Variants in ZMYM2 observed in about 807,000 individuals in gnomAD.
ZMYM2 encodes zinc finger MYM-type protein 2.
Under a neutral mutation model 162.8 loss-of-function variants are expected in ZMYM2, and 56 were observed. The observed-to-expected ratio is 0.34, with a 90% CI of 0.28 to 0.43. The LOEUF (loss-of-function observed/expected upper bound fraction) is 0.43. Ranked by LOEUF, ZMYM2 falls within the 20% of genes least tolerant of loss-of-function variation. ZMYM2 has a pLI of 1.00. For synonymous variants in ZMYM2, 510 were observed against 541.6 expected, an observed-to-expected ratio of 0.94 and a Z score of 0.81; for missense variants, 1,275 against 1,621.8, an observed-to-expected ratio of 0.79 and a Z score of 3.67.
the ZMYM2 span, among the ~76,000 whole-genome samples, chr13:19,874,178 A>G: frequency 6.6e-6 from 1 of 152,116 alleles, no homozygotes; most frequent in Admixed American, 6.6e-5. Context: ...ATACTTATGA[A>G]TCACCTATGA....
chr13:20,064,419 A>G (rs1256447385), intron 18 of ZMYM2, 32 bp from the exon 19 acceptor site: 2 of 1,547,026 alleles, frequency 1.3e-6, no homozygotes, highest in Non-Finnish European at 1.8e-6. Context: ...GTGCTATTTC[A>G]TTTAAAATAA....
chr13:20,061,370 A>ACGGCGACCAC (rs1341572848), intron 17 of ZMYM2, 146 bp downstream of exon 17: 4 of 651,284 alleles, frequency 6.1e-6, no homozygotes, highest in South Asian at 6.1e-5. Context: ...TTTTTATATT[A>ACGGCGACCAC]AGAGATCTAC....
At chr13:20,068,163 A>G (rs1956820248) in intron 21 of ZMYM2, 1 of 180,940 alleles carries the variant, frequency 5.5e-6, no homozygotes, top group Non-Finnish European at 1.2e-5. Context: ...TTCAAGGACC[A>G]TCATATATCT....
chr13:19,984,126 C>T (rs1233838376), intron 2 of ZMYM2, among the ~76,000 whole-genome samples: 1 of 152,184 alleles, frequency 6.6e-6, no homozygotes, highest in Non-Finnish European at 1.5e-5. Flanking sequence ...TTTGTTGAAG[C>T]ACTTTGAAGT....
intron 16 of ZMYM2, among the ~76,000 whole-genome samples, chr13:20,060,839 A>C (rs944842873): frequency 1.3e-5 from 2 of 152,334 alleles, no homozygotes; most frequent in Admixed American, 6.5e-5. Context: ...AAATACTTCA[A>C]AAATTCTTTT....
At chr13:20,065,686 C>T (rs1432106487) in intron 19 of ZMYM2, among the ~76,000 whole-genome samples, 2 of 152,050 alleles carry the variant, frequency 1.3e-5, no homozygotes, top group Non-Finnish European at 2.9e-5. Context: ...TGCCTGCAGT[C>T]CCAGCTACCC....
the ZMYM2 span, among the ~76,000 whole-genome samples, chr13:19,873,096 A>G: frequency 6.6e-6 from 1 of 152,184 alleles, no homozygotes; most frequent in Non-Finnish European, 1.5e-5. Flanking sequence ...AATCCTCAGC[A>G]TGTGTTAAAG....
rs1236127875 is a variant in ZMYM2 at position 19,993,339 on chromosome 13, TGAA to T, written c.271_273del (p.Glu91del). 1 of 1,613,708 alleles carries T rather than the reference TGAA, an allele frequency of 6.2e-7. No individual in the cohort carries two copies. The highest frequency in any genetic ancestry group is 8.5e-7 in the Non-Finnish European group (1 of 1,179,808). On this transcript the variant is annotated inframe_deletion, in exon 3 of 25. Coordinates refer to ENST00000610343, the MANE Select transcript of ZMYM2 (RefSeq NM_197968.4). ...CCATAACATTTACATCATCAAAAAATGAAGAACTACAAGGAAATGATTCCAAAA... is the reference window on the plus strand; with the variant it reads ...CCATAACATTTACATCATCAAAAAATGAACTACAAGGAAATGATTCCAAAA...
chr13:19,911,255 C>T, the ZMYM2 span, among the ~76,000 whole-genome samples: 1 of 151,996 alleles, frequency 6.6e-6, no homozygotes. Context: ...GATGAGATTT[C>T]ACCATGTTGG....
intron 12 of ZMYM2, among the ~76,000 whole-genome samples, chr13:20,045,795 A>G (rs1954721913): frequency 6.6e-6 from 1 of 152,176 alleles, no homozygotes; most frequent in African/African-American, 2.4e-5. Flanking sequence ...TTACTGTACA[A>G]ATATCTGCCT....
At chr13:19,901,001 G>C in the ZMYM2 span, among the ~76,000 whole-genome samples, 1 of 152,114 alleles carries the variant, frequency 6.6e-6, no homozygotes, top group Non-Finnish European at 1.5e-5. Flanking sequence ...AATTGGTCTT[G>C]GTTTGCAGAC....
the ZMYM2 span, among the ~76,000 whole-genome samples, chr13:19,900,816 G>A: frequency 6.6e-6 from 1 of 152,038 alleles, no homozygotes; most frequent in Admixed American, 6.6e-5. Flanking sequence ...GGCAGATCAC[G>A]AGGTCAGGAG....
intron 11 of ZMYM2, 148 bp from the exon 12 acceptor site, chr13:20,036,589 C>G (rs373492345): frequency 4.0e-6 from 2 of 500,362 alleles, no homozygotes; most frequent in African/African-American, 2.0e-5. Context: ...ATATTCTGTT[C>G]TAATTTTTAT....
intron 6 of ZMYM2, among the ~76,000 whole-genome samples, chr13:20,016,306 T>C (rs567534253): frequency 6.6e-6 from 1 of 152,190 alleles, no homozygotes; most frequent in African/African-American, 2.4e-5. Flanking sequence ...CTTTTTGTTA[T>C]AGATTACATT....
chr13:20,066,196 CTA>C (rs1956661741), intron 19 of ZMYM2, among the ~76,000 whole-genome samples: 1 of 152,152 alleles, frequency 6.6e-6, no homozygotes, highest in African/African-American at 2.4e-5. Flanking sequence ...AAACAAATAA[CTA>C]TATTTTTATG....
chr13:19,964,652 C>T (rs539572118), intron 2 of ZMYM2, among the ~76,000 whole-genome samples: 6 of 151,716 alleles, frequency 4.0e-5, no homozygotes, highest in Non-Finnish European at 7.4e-5. Context: ...TAATTTAGAC[C>T]GTTCTCTTTA....
chr13:20,030,861 T>G (rs1953065561), intron 9 of ZMYM2, among the ~76,000 whole-genome samples: 1 of 152,270 alleles, frequency 6.6e-6, no homozygotes, highest in South Asian at 2.1e-4. Context: ...CTGGTAGACT[T>G]GGAATGAAAA....
chr13:20,058,448 G>A (rs1200857069), intron 14 of ZMYM2, 127 bp from the exon 15 acceptor site: 7 of 1,098,532 alleles, frequency 6.4e-6, no homozygotes, highest in East Asian at 2.6e-5. Flanking sequence ...AGGGATAATA[G>A]CATAATTTGG....
chr13:19,982,281 C>CTTTTTTTTTTT (rs56165263), intron 2 of ZMYM2, among the ~76,000 whole-genome samples: 4 of 86,256 alleles, frequency 4.6e-5, no homozygotes, highest in Admixed American at 3.4e-4. Flanking sequence ...TATTAGCTGT[C>CTTTTTTTTTTT]TTTTTTTTTT....
Sources: allele counts gnomAD v4.1 joint callset (sites outside exome capture counted in the v4.1 genomes callset), GRCh38; gene constraint gnomAD v4.1.1; transcripts MANE v1.5; gene names NCBI Gene and HGNC (gene_info 2026-07-23, HGNC 2026-07-21).